Variants in FOXI3 observed in about 807,000 individuals in gnomAD.
FOXI3 encodes forkhead box I3.
A neutral mutation model predicts 15.6 loss-of-function variants in FOXI3; 4 were observed. The observed-to-expected ratio is 0.26, with a 90% CI of 0.13 to 0.59. FOXI3 has a LOEUF of 0.59. FOXI3 is among the 20% of genes least tolerant of loss of function. The probability of loss-of-function intolerance (pLI) is 0.90; values close to 1 mark genes in which losing one functional copy is unlikely to be tolerated. For missense variants in FOXI3, 489 were observed against 548.2 expected (o/e 0.89, Z 1.08); for synonymous variants, 238 against 244.4 (o/e 0.97, Z 0.25).
rs1288264163 is a variant in FOXI3 at position 88,447,149 on chromosome 2, C to T, written c.*1058G>A. The T allele has an allele frequency of 6.6e-6, 1 of 152,188 alleles. No homozygotes were observed. Among genetic ancestry groups the T allele is most frequent in the East Asian group, 1.9e-4 (1 of 5,192 alleles). The allele number at this position is 152,188 out of a possible 1,614,324, so 9.4% of individuals were successfully genotyped here. On this transcript the variant is annotated 3_prime_UTR_variant, in exon 2 of 2. Coordinates refer to ENST00000428390, the MANE Select transcript of FOXI3 (RefSeq NM_001135649.3). ...GGGGGTAGTAACAATACCCACCACCCAAGGTTTCTGAGAGGATTAAATGAA... is the reference window on the plus strand; with the variant it reads ...GGGGGTAGTAACAATACCCACCACCTAAGGTTTCTGAGAGGATTAAATGAA...
At position 88,452,229 on chromosome 2, in the gene FOXI3, C is replaced by T; in HGVS notation, c.307G>A (p.Gly103Ser). Residue 103 changes from glycine to serine, a missense_variant, in exon 1 of 2, where the codon GGC becomes AGC. This residue lies in a region of FOXI3 where 224 missense variants were observed against 245.7 expected (regional missense o/e 0.91). Coordinates refer to ENST00000428390, the MANE Select transcript of FOXI3 (RefSeq NM_001135649.3). ...TGCGCGAAGGGCCGCTGAGAGCAGCCGAAGGTGCCGGCGGCAGGCGGTGGC... is the reference window on the plus strand; with the variant it reads ...TGCGCGAAGGGCCGCTGAGAGCAGCTGAAGGTGCCGGCGGCAGGCGGTGGC... The part of the protein sequence containing the change: ...LQPPPAAGTF[G>S]CSQRPFAQPA... 6 of 1,096,970 alleles carry T rather than the reference C, an allele frequency of 5.5e-6. No homozygotes were observed. In the South Asian group the frequency reaches 1.3e-4, roughly 24 times the overall value. The allele number at this position is 1,096,970 out of a possible 1,614,324, so 68.0% of individuals were successfully genotyped here.
chr2:88,452,148 C>T lies in FOXI3; in HGVS notation c.388G>A (p.Gly130Ser), dbSNP rs896537813. 1.0e-5 allele frequency: 15 copies of T among 1,466,470 alleles called. No homozygotes were observed. In the African/African-American group the frequency reaches 1.9e-4, roughly 19 times the overall value. 90.8% of individuals were successfully genotyped at this position (1,466,470 alleles called of 1,614,324 possible). A position where few individuals can be genotyped will look rare whatever the true frequency, so the allele number is the denominator to read the frequency against. The change falls in exon 1 of 2, where the codon GGC becomes AGC. Residue 130 changes from glycine (G) to serine (S), a missense_variant. Gly to Ser is a moderately conservative substitution (Grantham distance 56). Transcript: ENST00000428390. ...TCGCGGCTGGCCATGGACAGCCAGC[C>T]CAGCTCCCCGGGCCCCGCGGGCGCG... is the stretch of plus-strand genomic sequence containing the variant. ...PAAPAGPGEL[G>S]WLSMASREDL...
In FOXI3 at chr2:88,448,824, C is replaced by T. The variant is rs756470601; in HGVS notation, c.646G>A (p.Gly216Ser). 4.5e-6 allele frequency: 7 copies of T among 1,549,042 alleles called. No homozygotes were observed. The highest frequency in any genetic ancestry group is 6.1e-6 in the Non-Finnish European group (7 of 1,145,496). Reference protein sequence around the residue: ...VPRDEDDPGKGNYWTLDPNCE... With the variant: ...VPRDEDDPGKSNYWTLDPNCE... ...TTCGGATCAAGAGTCCAATAATTAC[C>T]CTTTCCTGAGAAGATGAGAAAGACC... is the stretch of plus-strand genomic sequence containing the variant. Residue 216 changes from glycine (G) to serine (S), a missense_variant, in exon 2 of 2, where the codon GGT becomes AGT. By Grantham distance (56) the Gly-to-Ser change is moderately conservative. This residue lies in a region of FOXI3 where 263 missense variants were observed against 285.5 expected (regional missense o/e 0.92). Coordinates refer to ENST00000428390, the MANE Select transcript of FOXI3 (RefSeq NM_001135649.3).
Position 88,448,546 on chromosome 2 carries a change from G to A in FOXI3, c.924C>T (p.Ser308=). Residue 308 remains serine (S), a synonymous_variant, in exon 2 of 2, where the codon TCC becomes TCT. Transcript: ENST00000428390. ...ASSPGGPMLT[S]TPCLNTFFSS... is the part of the protein sequence containing the mutation. ...TGAAGAAAGTGTTGAGACAAGGGGT[G>A]GAGGTGAGCATGGGTCCTCCAGGAG... 3 of 1,551,646 alleles carry A rather than the reference G, an allele frequency of 1.9e-6. No homozygotes were observed. Among genetic ancestry groups the A allele is most frequent in the Non-Finnish European group, 2.6e-6 (3 of 1,146,998 alleles).
In FOXI3 at chr2:88,452,168, G is replaced by A. The variant is rs1440593942; in HGVS notation, c.368C>T (p.Pro123Leu). 1.5e-5 allele frequency: 20 copies of A among 1,333,262 alleles called. No homozygotes were observed. Among genetic ancestry groups the A allele is most frequent in the Non-Finnish European group, 8.6e-6 (9 of 1,044,134 alleles). 82.6% of individuals were successfully genotyped at this position (1,333,262 alleles called of 1,614,324 possible). A position where few individuals can be genotyped will look rare whatever the true frequency, so the allele number is the denominator to read the frequency against. ...CCAGCCCAGCTCCCCGGGCCCCGCG[G>A]GCGCGGCGGGCGAGGCGGGCGCGGC... Reference protein sequence around the residue: ...APAAPASPAAPAGPGELGWLS... With the variant: ...APAAPASPAALAGPGELGWLS... Residue 123 changes from proline to leucine, a missense_variant, in exon 1 of 2, where the codon CCC (proline) becomes CTC (leucine). By Grantham distance (98) the Pro-to-Leu change is moderately conservative (BLOSUM62 -3). Coordinates refer to ENST00000428390, the MANE Select transcript of FOXI3 (RefSeq NM_001135649.3).
In FOXI3 at chr2:88,452,158, G is replaced by C; in HGVS notation, c.378C>G (p.Pro126=). ...CCATGGACAGCCAGCCCAGCTCCCC[G>C]GGCCCCGCGGGCGCGGCGGGCGAGG... is the stretch of plus-strand genomic sequence containing the variant. ...APASPAAPAG[P]GELGWLSMAS... Residue 126 remains proline, a synonymous_variant, in exon 1 of 2, where the codon CCC becomes CCG. Transcript: ENST00000428390. The C allele has an allele frequency of 7.3e-7, 1 of 1,367,530 alleles. No individual in the cohort carries two copies. The highest frequency in any genetic ancestry group is 9.4e-7 in the Non-Finnish European group (1 of 1,060,500). 84.7% of individuals were successfully genotyped at this position (1,367,530 alleles called of 1,614,324 possible).
At chr2:88,449,434 C>G (rs746233951) in intron 1 of FOXI3, among the ~76,000 whole-genome samples, 4 of 152,148 alleles carry the variant, frequency 2.6e-5, no homozygotes, top group Non-Finnish European at 5.9e-5. Flanking sequence ...CAGACAAAGG[C>G]AATTTCAAAA....
rs768840382 is a variant in FOXI3, at chr2:88,447,844, G to C, written c.*363C>G. The stretch of plus-strand genomic sequence containing the variant: ...TCTCACCCAGTAACTTCGTTGGCTT[G>C]TGTTTTTTTAGCCATCTGTACACAC... On this transcript the variant is annotated 3_prime_UTR_variant, in exon 2 of 2. Coordinates refer to ENST00000428390, the MANE Select transcript of FOXI3 (RefSeq NM_001135649.3). 1.9e-4 allele frequency: 43 copies of C among 223,378 alleles called. No homozygotes were observed. The highest frequency in any genetic ancestry group is 3.6e-4 in the Non-Finnish European group (40 of 111,956). 13.8% of individuals were successfully genotyped at this position (223,378 alleles called of 1,614,324 possible).
At position 88,451,879 on chromosome 2, in the gene FOXI3, CT is replaced by C; in HGVS notation, c.640+16del. The C allele has an allele frequency of 6.2e-7, 1 of 1,609,660 alleles. No homozygotes were observed. The highest frequency in any genetic ancestry group is 1.7e-5 in the Admixed American group (1 of 59,328). ...TCCGCCCTCCCCGGCTGGGAAGCAC[CT>C]GCCAGCGGCCCTCACCTGGGTCGTC... On this transcript the variant is annotated intron_variant, in intron 1 of 1. Coordinates refer to ENST00000428390, the MANE Select transcript of FOXI3 (RefSeq NM_001135649.3).
chr2:88,449,160 T>C (rs1268061212), intron 1 of FOXI3, among the ~76,000 whole-genome samples: 1 of 151,588 alleles, frequency 6.6e-6, no homozygotes, highest in African/African-American at 2.4e-5. Flanking sequence ...TGCAAAGTCA[T>C]GGAATTCTGA....
Position 88,448,589 on chromosome 2 carries a change from G to A in FOXI3, c.881C>T (p.Thr294Ile). The change falls in exon 2 of 2, where the codon ACC (threonine) becomes ATC (isoleucine). Residue 294 changes from threonine (T) to isoleucine (I), a missense_variant. By Grantham distance (89) the Thr-to-Ile change is moderately conservative. Transcript: ENST00000428390. ...TCCAGGAGATGAGGCAGTACTCTTG[G>A]TGCCCTCCGGAGGCTCTGGGGAGTG... ...PSHSPEPPEGTKSTASSPGGP... is the reference protein window; with the variant it reads ...PSHSPEPPEGIKSTASSPGGP... The A allele has an allele frequency of 1.9e-6, 3 of 1,551,588 alleles. No individual in the cohort carries two copies. The highest frequency in any genetic ancestry group is 2.6e-6 in the Non-Finnish European group (3 of 1,146,998).
chr2:88,448,963 A>C, intron 1 of FOXI3, 134 bp from the exon 2 acceptor site: 7 of 1,091,520 alleles, frequency 6.4e-6, no homozygotes, highest in South Asian at 3.6e-5. Context: ...ATTCAAACCA[A>C]TCCTCTTTCG....
intron 1 of FOXI3, among the ~76,000 whole-genome samples, chr2:88,449,185 G>T (rs1032011206): frequency 6.7e-6 from 1 of 150,374 alleles, no homozygotes; most frequent in South Asian, 2.1e-4. Flanking sequence ...ACTTAAAGTT[G>T]AGCGTTAGAC....
chr2:88,452,197 C>G lies in FOXI3; in HGVS notation c.339G>C (p.Ala113=), dbSNP rs1388427174. The G allele has an allele frequency of 1.2e-5, 14 of 1,197,340 alleles. No individual in the cohort carries two copies. Among genetic ancestry groups the G allele is most frequent in the Non-Finnish European group, 1.4e-5 (14 of 969,932 alleles). 74.2% of individuals were successfully genotyped at this position (1,197,340 alleles called of 1,614,324 possible). Reference sequence around the variant, plus strand: ...CGGCGGGCGAGGCGGGCGCGGCGGGCGCGGGCTGCGCGAAGGGCCGCTGAG... The same window carrying G: ...CGGCGGGCGAGGCGGGCGCGGCGGGGGCGGGCTGCGCGAAGGGCCGCTGAG... The part of the protein sequence containing the change: ...GCSQRPFAQP[A]PAAPASPAAP... Residue 113 remains alanine, a synonymous_variant, in exon 1 of 2, where the codon GCG becomes GCC. Transcript: ENST00000428390.
Position 88,448,737 on chromosome 2 carries a change from TG to T in FOXI3, c.732del (p.Ser245AlafsTer38). The part of the protein sequence containing the change: ...FRRKRKRRSE[A>X]SNGSTVAAGT... ...CCAGCAGCCACTGTGGAGCCATTGCTGGCCTCAGAGCGGCGCTTTCGCTTCC... is the reference window on the plus strand; with the variant it reads ...CCAGCAGCCACTGTGGAGCCATTGCTGCCTCAGAGCGGCGCTTTCGCTTCC... On this transcript the variant is annotated frameshift_variant, in exon 2 of 2. Coordinates refer to ENST00000428390, the MANE Select transcript of FOXI3 (RefSeq NM_001135649.3). LOFTEE classifies it low-confidence loss of function (END_TRUNC). The T allele has an allele frequency of 6.4e-7, 1 of 1,552,000 alleles. No individual in the cohort carries two copies. The highest frequency in any genetic ancestry group is 8.7e-7 in the Non-Finnish European group (1 of 1,147,066).
chr2:88,452,265 G>A lies in FOXI3; in HGVS notation c.271C>T (p.Pro91Ser). ...PPPPPGAAAG[P>S]FLQPPPAAGT... is the part of the protein sequence containing the mutation. ...GCGGCAGGCGGTGGCTGCAGAAAGG[G>A]CCCGGCCGCGGCCCCGGGGGGCGGC... is the stretch of plus-strand genomic sequence containing the variant. Residue 91 changes from proline to serine, a missense_variant, in exon 1 of 2, where the codon CCC becomes TCC. Pro to Ser is a moderately conservative substitution (Grantham distance 74). Transcript: ENST00000428390. 1 of 994,472 alleles carries A rather than the reference G, an allele frequency of 1.0e-6. No individual in the cohort carries two copies. Among genetic ancestry groups the A allele is most frequent in the Non-Finnish European group, 1.2e-6 (1 of 837,622 alleles). The allele number at this position is 994,472 out of a possible 1,614,324, so 61.6% of individuals were successfully genotyped here. A position where few individuals can be genotyped will look rare whatever the true frequency, so the allele number is the denominator to read the frequency against.
At position 88,452,375 on chromosome 2, in the gene FOXI3, A is replaced by C; in HGVS notation, c.161T>G (p.Leu54Arg). 1.0e-6 allele frequency: 1 copy of C among 986,452 alleles called. No homozygotes were observed. 61.1% of individuals were successfully genotyped at this position (986,452 alleles called of 1,614,324 possible). The change falls in exon 1 of 2, where the codon CTG becomes CGG. Residue 54 changes from leucine (L) to arginine (R), a missense_variant. Physicochemically the swap from Leu to Arg is moderately radical, Grantham distance 102. Coordinates refer to ENST00000428390, the MANE Select transcript of FOXI3 (RefSeq NM_001135649.3). The part of the protein sequence containing the change: ...APPAAAANPY[L>R]WLNGPGVGGP... ...TCCCACGCCGGGCCCGTTGAGCCAC[A>C]GGTAGGGGTTGGCGGCGGCGGCCGG...
At chr2:88,451,241 C>G (rs1676038385) in intron 1 of FOXI3, among the ~76,000 whole-genome samples, 1 of 152,192 alleles carries the variant, frequency 6.6e-6, no homozygotes, top group South Asian at 2.1e-4. Context: ...TAGACCAGAA[C>G]GCAGCAAATA....
At chr2:88,450,654 A>G (rs1218272283) in intron 1 of FOXI3, among the ~76,000 whole-genome samples, 1 of 152,188 alleles carries the variant, frequency 6.6e-6, no homozygotes, top group African/African-American at 2.4e-5. Context: ...AGCAGTTTAC[A>G]CGACAATTTA....
Sources: allele counts gnomAD v4.1 joint callset (sites outside exome capture counted in the v4.1 genomes callset), GRCh38; gene constraint gnomAD v4.1.1; regional missense constraint gnomAD v4.1.1; transcripts MANE v1.5; gene names NCBI Gene and HGNC (gene_info 2026-07-23, HGNC 2026-07-21).